FAM53B: variants seen among roughly 807,000 people sequenced by gnomAD.
FAM53B encodes the protein family with sequence similarity 53 member B, also known as protein FAM53B.
Under a neutral mutation model 32.7 loss-of-function variants are expected in FAM53B, and 12 were observed. The observed-to-expected ratio is 0.37, with a 90% CI of 0.24 to 0.59. FAM53B has a LOEUF of 0.59. Among genes scored for constraint, FAM53B ranks in the 20% least tolerant of loss-of-function variants. The pLI is 0.72. For synonymous variants in FAM53B, 234 were observed against 228.7 expected (o/e 1.02, Z -0.21); for missense variants, 477 against 577.7 (o/e 0.83, Z 1.79).
chr10:124,697,525 G>A (rs974323240), intron 2 of FAM53B, among the ~76,000 whole-genome samples: 7 of 152,136 alleles, frequency 4.6e-5, no homozygotes, highest in South Asian at 4.1e-4. Context: ...GGTCAACGCC[G>A]TGTTCATCCC....
At chr10:124,743,968 A>C (rs1950216594) in intron 1 of FAM53B, 45 bp downstream of exon 1, 1 of 148,458 alleles carries the variant, frequency 6.7e-6, no homozygotes, top group Admixed American at 6.7e-5. Flanking sequence ...GCTCGGGGCC[A>C]GCCCCCCGGC....
chr10:124,640,477 TC>T (rs1949463437), intron 4 of FAM53B, among the ~76,000 whole-genome samples: 1 of 152,188 alleles, frequency 6.6e-6, no homozygotes, highest in Non-Finnish European at 1.5e-5. Flanking sequence ...ATGTGTTTCT[TC>T]CTGTGCAGAA....
At chr10:124,639,978 C>T (rs940549724) in intron 4 of FAM53B, among the ~76,000 whole-genome samples, 1 of 151,908 alleles carries the variant, frequency 6.6e-6, no homozygotes, top group African/African-American at 2.4e-5. Context: ...AAAGCCTGCA[C>T]CCACCCTTAA....
intron 4 of FAM53B, among the ~76,000 whole-genome samples, chr10:124,673,469 G>A (rs187501481): frequency 1.8e-4 from 28 of 152,252 alleles, no homozygotes; most frequent in African/African-American, 5.8e-4. Flanking sequence ...CTGAAGCAGC[G>A]CCTTGTACTC....
intron 4 of FAM53B, among the ~76,000 whole-genome samples, chr10:124,624,324 A>C (rs2134033564): frequency 6.6e-6 from 1 of 152,330 alleles, no homozygotes; most frequent in Admixed American, 6.5e-5. Context: ...GAGCTGGGGA[A>C]ACATGAGTTC....
intron 4 of FAM53B, among the ~76,000 whole-genome samples, chr10:124,671,756 C>T (rs1198082147): frequency 1.3e-5 from 2 of 152,100 alleles, no homozygotes; most frequent in Non-Finnish European, 2.9e-5. Flanking sequence ...CCAACTGTTG[C>T]TTTTGTTTTC....
chr10:124,707,142 G>A (rs775553388), intron 1 of FAM53B, among the ~76,000 whole-genome samples: 3 of 152,148 alleles, frequency 2.0e-5, no homozygotes, highest in Non-Finnish European at 4.4e-5. Context: ...GGGTCCAGCC[G>A]CATGATACCT....
chr10:124,728,491 G>A (rs928329902), intron 1 of FAM53B, among the ~76,000 whole-genome samples: 5 of 152,032 alleles, frequency 3.3e-5, no homozygotes, highest in African/African-American at 7.2e-5. Flanking sequence ...TCTAACACAC[G>A]CAAGTAAACC....
intron 4 of FAM53B, among the ~76,000 whole-genome samples, chr10:124,677,788 T>C (rs1163912774): frequency 6.6e-6 from 1 of 152,230 alleles, no homozygotes; most frequent in African/African-American, 2.4e-5. Flanking sequence ...TGGACAGCTG[T>C]GCCCCAGGGA....
chr10:124,741,887 T>C (rs551673192), intron 1 of FAM53B, among the ~76,000 whole-genome samples: 30 of 152,288 alleles, frequency 2.0e-4, no homozygotes, highest in African/African-American at 7.2e-4. Flanking sequence ...ACCAAGACAG[T>C]GGAATGCTCT....
At chr10:124,694,677 C>G (rs1006593994) in intron 3 of FAM53B, among the ~76,000 whole-genome samples, 2 of 152,314 alleles carry the variant, frequency 1.3e-5, no homozygotes, top group African/African-American at 2.4e-5. Context: ...TCCCAGGAAG[C>G]AGGCGAGGAG....
In FAM53B at chr10:124,706,627, G is replaced by C; in HGVS notation, c.78+9C>G. 6.2e-7 allele frequency: 1 copy of C among 1,614,182 alleles called. No homozygotes were observed. Among genetic ancestry groups the C allele is most frequent in the Non-Finnish European group, 8.5e-7 (1 of 1,180,028 alleles). Reference sequence around the variant, plus strand: ...GTCATGGAAAGCAGGAAGCCTGCCAGGTCCTCACCAGTTCACGGCTGAAGG... The same window carrying C: ...GTCATGGAAAGCAGGAAGCCTGCCACGTCCTCACCAGTTCACGGCTGAAGG... On this transcript the variant is annotated intron_variant, in intron 2 of 4. Transcript: ENST00000337318.
At chr10:124,705,952 A>C (rs760009764) in intron 2 of FAM53B, among the ~76,000 whole-genome samples, 2 of 152,344 alleles carry the variant, frequency 1.3e-5, no homozygotes, top group African/African-American at 2.4e-5. Flanking sequence ...GCCCATCTCC[A>C]CAAGACTGCT....
intron 3 of FAM53B, among the ~76,000 whole-genome samples, chr10:124,692,261 A>G (rs1406281771): frequency 3.3e-5 from 5 of 152,142 alleles, no homozygotes; most frequent in Non-Finnish European, 7.4e-5. Context: ...CCCACGCTTC[A>G]CGCTGGCTTT....
Position 124,620,966 on chromosome 10 carries a change from A to AG in FAM53B, c.*2275dup, listed in dbSNP as rs1280199384. On this transcript the variant is annotated 3_prime_UTR_variant, in exon 5 of 5. Coordinates refer to ENST00000337318, the MANE Select transcript of FAM53B (RefSeq NM_014661.4). Reference sequence around the variant, plus strand: ...GTGGCTGTGACTCAGCCAGCTCCACAGCTTGTCCCTTCCTGCCACCAGGCC... The same window carrying AG: ...GTGGCTGTGACTCAGCCAGCTCCACAGGCTTGTCCCTTCCTGCCACCAGGCC... 6.6e-6 allele frequency: 1 copy of AG among 152,102 alleles called. No homozygotes were observed. Among genetic ancestry groups the AG allele is most frequent in the Non-Finnish European group, 1.5e-5 (1 of 68,014 alleles). The allele number at this position is 152,102 out of a possible 1,614,324, so 9.4% of individuals were successfully genotyped here. A position where few individuals can be genotyped will look rare whatever the true frequency, so the allele number is the denominator to read the frequency against.
At chr10:124,624,598 A>G (rs979292367) in intron 4 of FAM53B, among the ~76,000 whole-genome samples, 1 of 152,102 alleles carries the variant, frequency 6.6e-6, no homozygotes, top group African/African-American at 2.4e-5. Context: ...CCAGGCACCA[A>G]GTGTGCTCCC....
At chr10:124,669,329 G>A (rs1251749024) in intron 4 of FAM53B, among the ~76,000 whole-genome samples, 1 of 152,122 alleles carries the variant, frequency 6.6e-6, no homozygotes, top group East Asian at 1.9e-4. Flanking sequence ...CAGCTGAACC[G>A]CAGTGCCAGG....
chr10:124,667,417 C>T (rs1949679418), intron 4 of FAM53B: 1 of 769,298 alleles, frequency 1.3e-6, no homozygotes, highest in Middle Eastern at 2.3e-4. Context: ...CCTCATGGGG[C>T]TATCTGGAGG....
At chr10:124,714,775 A>AG (rs1443620522) in intron 1 of FAM53B, among the ~76,000 whole-genome samples, 4 of 151,924 alleles carry the variant, frequency 2.6e-5, no homozygotes, top group East Asian at 3.9e-4. Flanking sequence ...AAAAAAAAAA[A>AG]AAAAGAAAAC....
Sources: gnomAD v4.1 joint callset for allele counts (sites outside exome capture counted in the v4.1 genomes callset) on GRCh38, gnomAD v4.1.1 for gene constraint, MANE v1.5 for transcripts, NCBI Gene and HGNC (gene_info 2026-07-23, HGNC 2026-07-21) for gene names.